The following SENP6 variants were observed in gnomAD, a reference collection of about 807,000 sequenced individuals.
The protein encoded by SENP6 is SUMO specific peptidase 6.
SENP6 carries 41 observed loss-of-function variants against 134.5 expected under a neutral mutation model. That is an observed-to-expected ratio of 0.30 (90% confidence interval 0.24 to 0.40). The LOEUF (loss-of-function observed/expected upper bound fraction) is 0.40. Among genes scored for constraint, SENP6 ranks in the 10% least tolerant of loss-of-function variants. The pLI, the probability that SENP6 is intolerant of heterozygous loss-of-function variation, is 1.00. For missense variants in SENP6, 1,248 were observed against 1,312.5 expected, an observed-to-expected ratio of 0.95 and a Z score of 0.76; for synonymous variants, 395 against 429.8, an observed-to-expected ratio of 0.92 and a Z score of 1.00.
chr6:75,672,996 T>A (rs1772799996), intron 11 of SENP6, among the ~76,000 whole-genome samples: 1 of 151,918 alleles, frequency 6.6e-6, no homozygotes, highest in East Asian at 1.9e-4. Flanking sequence ...TCCAGCTAAT[T>A]TTTTGTATTT....
At chr6:75,662,620 A>T (rs1202330962) in intron 8 of SENP6, among the ~76,000 whole-genome samples, 1 of 152,168 alleles carries the variant, frequency 6.6e-6, no homozygotes, top group African/African-American at 2.4e-5. Context: ...AGCATAGTGT[A>T]TCTGCATTTT....
At chr6:75,632,751 A>G (rs1250733767) in intron 3 of SENP6, among the ~76,000 whole-genome samples, 2 of 152,166 alleles carry the variant, frequency 1.3e-5, no homozygotes, top group Non-Finnish European at 2.9e-5. Flanking sequence ...GACTGAATAT[A>G]TCATCATGAT....
At chr6:75,676,756 G>A in intron 13 of SENP6, 3 of 251,538 alleles carry the variant, frequency 1.2e-5, no homozygotes, top group Non-Finnish European at 2.3e-5. Context: ...ATTAGATGAA[G>A]TAAATTAGTT....
intron 6 of SENP6, among the ~76,000 whole-genome samples, chr6:75,641,163 A>G (rs1769999776): frequency 6.6e-6 from 1 of 152,090 alleles, no homozygotes; most frequent in African/African-American, 2.4e-5. Flanking sequence ...TACTCTCTAT[A>G]ATAAAAGGAA....
chr6:75,638,555 AGTGTGT>A lies in SENP6; in HGVS notation c.459-2098_459-2093del, dbSNP rs59936116. On this transcript the variant is annotated intron_variant, in intron 5 of 23. Transcript: ENST00000447266. ...AGCATTGATGTGTCTTTGTGTGTGTAGTGTGTGTGTGTGTGTGTGTGTGTGTGTGTG... is the reference window on the plus strand; with the variant it reads ...AGCATTGATGTGTCTTTGTGTGTGTAGTGTGTGTGTGTGTGTGTGTGTGTG... Among the ~76,000 whole-genome samples the A allele has an allele frequency of 2.2e-3, 59 of 26,324 alleles. 2 individuals carry two copies. The highest frequency in any genetic ancestry group is 7.0e-3 in the African/African-American group (45 of 6,408). 17.3% of individuals were successfully genotyped at this position (26,324 alleles called of 152,430 possible).
At position 75,684,432 on chromosome 6, in the gene SENP6, A is replaced by G. The variant is rs926004482; in HGVS notation, c.2075+5505A>G. ...TGCCCTAGCCAGAACTTCCAACACT[A>G]TGTTGAATAGGAGTGGTGAGAGAGG... On this transcript the variant is annotated intron_variant, in intron 16 of 23. Coordinates refer to ENST00000447266, the MANE Select transcript of SENP6 (RefSeq NM_015571.4). Among the ~76,000 whole-genome samples, 4 of 152,130 alleles carry G rather than the reference A, an allele frequency of 2.6e-5. 1 individual carries two copies. The highest frequency in any genetic ancestry group is 2.9e-5 in the Non-Finnish European group (2 of 68,026).
At chr6:75,666,629 T>A (rs973815910) in intron 9 of SENP6, 83 bp from the exon 10 acceptor site, 2 of 697,028 alleles carry the variant, frequency 2.9e-6, no homozygotes, top group Non-Finnish European at 3.9e-6. Context: ...GGTAATTTAT[T>A]TGCATTTTTA....
intron 4 of SENP6, 70 bp downstream of exon 4, chr6:75,633,796 C>CA (rs1366013297): frequency 5.2e-6 from 7 of 1,352,786 alleles, no homozygotes; most frequent in African/African-American, 3.0e-5. Context: ...AACTTAGAAG[C>CA]TAATAGGCCC....
intron 18 of SENP6, among the ~76,000 whole-genome samples, chr6:75,699,262 G>T (rs914957014): frequency 6.6e-6 from 1 of 151,414 alleles, no homozygotes; most frequent in Non-Finnish European, 1.5e-5. Flanking sequence ...AGTCATCTTA[G>T]TGAGAGGTAG....
chr6:75,659,785 C>T (rs1263063101), intron 8 of SENP6, among the ~76,000 whole-genome samples: 2 of 152,094 alleles, frequency 1.3e-5, no homozygotes. Flanking sequence ...GCCTTTTTCC[C>T]TCCTTCCTCC....
At chr6:75,632,806 A>G (rs904038967) in intron 3 of SENP6, among the ~76,000 whole-genome samples, 1 of 152,186 alleles carries the variant, frequency 6.6e-6, no homozygotes, top group African/African-American at 2.4e-5. Flanking sequence ...TCAGCCATAA[A>G]ATTTTAAAAA....
chr6:75,652,367 C>A (rs1481182286), intron 7 of SENP6, among the ~76,000 whole-genome samples: 2 of 151,678 alleles, frequency 1.3e-5, no homozygotes, highest in Non-Finnish European at 2.9e-5. Flanking sequence ...TGTGCAGTGG[C>A]CCACTATGTT....
chr6:75,664,236 G>A (rs145603486), intron 9 of SENP6, among the ~76,000 whole-genome samples: 2 of 151,338 alleles, frequency 1.3e-5, no homozygotes, highest in South Asian at 2.1e-4. Context: ...GTGTAGCCAG[G>A]GCAATATAGT....
chr6:75,617,002 A>C (rs543340656), intron 1 of SENP6, among the ~76,000 whole-genome samples: 1 of 151,968 alleles, frequency 6.6e-6, no homozygotes, highest in African/African-American at 2.4e-5. Context: ...CAGTCTCCTG[A>C]GTAGCTGGTA....
chr6:75,608,134 C>T (rs1767164095), intron 1 of SENP6, among the ~76,000 whole-genome samples: 1 of 152,132 alleles, frequency 6.6e-6, no homozygotes, highest in Admixed American at 6.5e-5. Flanking sequence ...GTACTTGAAA[C>T]AGTAAAGTAG....
chr6:75,697,343 T>C (rs1351736199), intron 17 of SENP6, 82 bp from the exon 18 acceptor site: 5 of 971,090 alleles, frequency 5.1e-6, no homozygotes, highest in Non-Finnish European at 7.7e-6. Context: ...TACATCTGAA[T>C]CTTCTTAATT....
chr6:75,607,894 G>A (rs1345499528), intron 1 of SENP6, among the ~76,000 whole-genome samples: 1 of 147,772 alleles, frequency 6.8e-6, no homozygotes, highest in Non-Finnish European at 1.5e-5. Flanking sequence ...ACCTAACACT[G>A]TCTGTTGAAC....
At chr6:75,704,700 C>T (rs1004499870) in intron 19 of SENP6, among the ~76,000 whole-genome samples, 9 of 152,166 alleles carry the variant, frequency 5.9e-5, no homozygotes, top group African/African-American at 1.9e-4. Flanking sequence ...TCCCGTCCCA[C>T]GAGGCCATAT....
chr6:75,691,768 G>C (rs754275417), intron 16 of SENP6, among the ~76,000 whole-genome samples: 2 of 151,862 alleles, frequency 1.3e-5, no homozygotes, highest in Non-Finnish European at 2.9e-5. Flanking sequence ...CTAATTTTTT[G>C]TATTTTTAGT....
Sources: allele counts gnomAD v4.1 joint callset (sites outside exome capture counted in the v4.1 genomes callset), GRCh38; gene constraint gnomAD v4.1.1; transcripts MANE v1.5; gene names NCBI Gene and HGNC (gene_info 2026-07-23, HGNC 2026-07-21).